The following SGCB variants were observed in gnomAD, a reference collection of about 807,000 sequenced individuals.
The protein encoded by SGCB is sarcoglycan beta, also known as beta-sarcoglycan.
A neutral mutation model predicts 27.3 loss-of-function variants in SGCB; 25 were observed. The ratio of observed to expected loss-of-function variants is 0.92; its 90% CI spans 0.67 to 1.28. The LOEUF is 1.28. Among genes scored for constraint, SGCB ranks in the 50% most tolerant of loss-of-function variants. The pLI, the probability that SGCB is intolerant of heterozygous loss-of-function variation, is 0.00. For missense variants in SGCB, 436 were observed against 402.1 expected (o/e 1.08, Z -0.72); for synonymous variants, 147 against 133.5 (o/e 1.10, Z -0.70).
At chr4:52,027,882 T>C (rs1737141868) in intron 5 of SGCB, 86 bp downstream of exon 5, 1 of 1,249,588 alleles carries the variant, frequency 8.0e-7, no homozygotes, top group Non-Finnish European at 1.2e-6. Flanking sequence ...AATTATATCA[T>C]TTTCAATAAT....
rs554360881 is a variant in SGCB at position 52,026,347 on chromosome 4, C to T, written c.753+1621G>A. ...GATCTGGGTTCACTGCAATCTCTGC[C>T]TCCTGGTTTCAAGCGATTCTCCTGC... is the stretch of plus-strand genomic sequence containing the variant. On this transcript the variant is annotated intron_variant, in intron 5 of 5. Transcript: ENST00000381431. 3.4e-5 allele frequency among the ~76,000 whole-genome samples: 5 copies of T among 147,800 alleles called. No individual in the cohort carries two copies. In the East Asian group the frequency reaches 8.0e-4, roughly 24 times the overall value.
At position 52,024,030 on chromosome 4, in the gene SGCB, A is replaced by G. The variant is rs751101913; in HGVS notation, c.884T>C (p.Leu295Pro). Residue 295 changes from leucine (L) to proline (P), a missense_variant, in exon 6 of 6, where the codon CTC becomes CCC. Leu to Pro is a moderately conservative substitution (Grantham distance 98). Coordinates refer to ENST00000381431, the MANE Select transcript of SGCB (RefSeq NM_000232.5). ...YKLCMCADGT[L>P]FKVQVTSQNM... ...CTGGCTGGTTACTTGCACCTTGAAGAGCGTCCCATCAGCACACATGCAGAG... is the reference window on the plus strand; with the variant it reads ...CTGGCTGGTTACTTGCACCTTGAAGGGCGTCCCATCAGCACACATGCAGAG... 6.2e-7 allele frequency: 1 copy of G among 1,614,184 alleles called. No individual in the cohort carries two copies. The highest frequency in any genetic ancestry group is 8.5e-7 in the Non-Finnish European group (1 of 1,180,022).
Position 52,023,362 on chromosome 4 carries a change from T to C in SGCB, c.*595A>G, listed in dbSNP as rs1269011030. 2.6e-5 allele frequency: 4 copies of C among 152,982 alleles called. No individual in the cohort carries two copies. Among genetic ancestry groups the C allele is most frequent in the Non-Finnish European group, 2.9e-5 (2 of 68,504 alleles). 9.5% of individuals were successfully genotyped at this position (152,982 alleles called of 1,614,324 possible). ...TTTCCACCACATTGTGAACAATTGA[T>C]AGTTATCATTATTTCAAATAAACAT... On this transcript the variant is annotated 3_prime_UTR_variant, in exon 6 of 6. Transcript: ENST00000381431.
intron 1 of SGCB, among the ~76,000 whole-genome samples, chr4:52,034,810 A>G (rs1242221346): frequency 6.6e-6 from 1 of 152,186 alleles, no homozygotes; most frequent in Non-Finnish European, 1.5e-5. Flanking sequence ...TATTTTTGAA[A>G]TAACACTGAG....
chr4:52,027,369 C>A (rs774054621), intron 5 of SGCB, among the ~76,000 whole-genome samples: 3 of 151,510 alleles, frequency 2.0e-5, no homozygotes, highest in African/African-American at 7.3e-5. Flanking sequence ...TCAACAGCCA[C>A]GATAAAGACA....
At position 52,023,273 on chromosome 4, in the gene SGCB, G is replaced by A. The variant is rs1737003728; in HGVS notation, c.*684C>T. 1 of 152,456 alleles carries A rather than the reference G, an allele frequency of 6.6e-6. No individual in the cohort carries two copies. Among genetic ancestry groups the A allele is most frequent in the African/African-American group, 2.4e-5 (1 of 41,454 alleles). The allele number at this position is 152,456 out of a possible 1,614,324, so 9.4% of individuals were successfully genotyped here. On this transcript the variant is annotated 3_prime_UTR_variant, in exon 6 of 6. Transcript: ENST00000381431. ...TGCCTAGGACAATGCCTAGGATGTAGAAGATGCTCAATAAAGATAGTTATC... is the reference window on the plus strand; with the variant it reads ...TGCCTAGGACAATGCCTAGGATGTAAAAGATGCTCAATAAAGATAGTTATC...
chr4:52,025,513 A>C (rs1293706303), intron 5 of SGCB, among the ~76,000 whole-genome samples: 2 of 152,228 alleles, frequency 1.3e-5, no homozygotes, highest in Admixed American at 1.3e-4. Context: ...AGTGTGGAAG[A>C]AGCACGGAGG....
At chr4:52,031,388 ATC>A (rs1408753877) in intron 2 of SGCB, among the ~76,000 whole-genome samples, 8 of 133,174 alleles carry the variant, frequency 6.0e-5, no homozygotes, top group East Asian at 2.2e-4. Context: ...CCACCCATTC[ATC>A]TCTGTGTGTG....
At chr4:52,034,060 G>A (rs980196637) in intron 1 of SGCB, among the ~76,000 whole-genome samples, 10 of 151,784 alleles carry the variant, frequency 6.6e-5, no homozygotes, top group East Asian at 1.9e-4. Context: ...GGCCAGGCGC[G>A]GTGGCTCAGG....
Position 52,022,242 on chromosome 4 carries a change from C to T in SGCB, c.*1715G>A, listed in dbSNP as rs1407953028. The T allele has an allele frequency of 6.6e-6, 1 of 152,186 alleles. No homozygotes were observed. The highest frequency in any genetic ancestry group is 2.4e-5 in the African/African-American group (1 of 41,446). 9.4% of individuals were successfully genotyped at this position (152,186 alleles called of 1,614,324 possible). A position where few individuals can be genotyped will look rare whatever the true frequency, so the allele number is the denominator to read the frequency against. The stretch of plus-strand genomic sequence containing the variant: ...ATCCAATTTCAGTATAAATTAATGA[C>T]TTCATAATCTCTAAGGTATTTGATT... On this transcript the variant is annotated 3_prime_UTR_variant, in exon 6 of 6. Coordinates refer to ENST00000381431, the MANE Select transcript of SGCB (RefSeq NM_000232.5).
chr4:52,037,136 A>G (rs1737412427), intron 1 of SGCB, among the ~76,000 whole-genome samples: 1 of 152,204 alleles, frequency 6.6e-6, no homozygotes, highest in Non-Finnish European at 1.5e-5. Flanking sequence ...CCAAGGCACA[A>G]TTTAAATACC....
chr4:52,024,060 T>C lies in SGCB; in HGVS notation c.854A>G (p.Tyr285Cys), dbSNP rs780573613. The change falls in exon 6 of 6, where the codon TAC becomes TGC. Residue 285 changes from tyrosine (Y) to cysteine (C), a missense_variant. Physicochemically the swap from Tyr to Cys is radical, Grantham distance 194. Coordinates refer to ENST00000381431, the MANE Select transcript of SGCB (RefSeq NM_000232.5). The part of the protein sequence containing the change: ...DQLGSGDWVR[Y>C]KLCMCADGTL... ...CCCATCAGCACACATGCAGAGCTTG[T>C]AGCGTACCCAGTCACCACTACCCAA... 1.2e-6 allele frequency: 2 copies of C among 1,614,056 alleles called. No homozygotes were observed. Among genetic ancestry groups the C allele is most frequent in the South Asian group, 2.2e-5 (2 of 91,078 alleles).
At chr4:52,025,648 G>T (rs1737070213) in intron 5 of SGCB, among the ~76,000 whole-genome samples, 1 of 152,224 alleles carries the variant, frequency 6.6e-6, no homozygotes, top group African/African-American at 2.4e-5. Context: ...TCTGAATACA[G>T]AAATGACTTG....
chr4:52,033,740 T>A, intron 1 of SGCB, 100 bp from the exon 2 acceptor site: 2 of 869,216 alleles, frequency 2.3e-6, no homozygotes, highest in South Asian at 2.7e-5. Context: ...CTGAATTGGT[T>A]ACTGACACAT....
chr4:52,024,796 C>G (rs951638809), intron 5 of SGCB, among the ~76,000 whole-genome samples: 2 of 142,848 alleles, frequency 1.4e-5, no homozygotes, highest in African/African-American at 5.3e-5. Flanking sequence ...CCGCTGCACT[C>G]CAGCCTGGGT....
Position 52,029,658 on chromosome 4 carries a change from C to G in SGCB, c.429+20G>C, listed in dbSNP as rs1437767510. 1.9e-6 allele frequency: 3 copies of G among 1,568,540 alleles called. No homozygotes were observed. Among genetic ancestry groups the G allele is most frequent in the South Asian group, 1.1e-5 (1 of 90,158 alleles). Reference sequence around the variant, plus strand: ...GCCCCTCTCCTGTTTGCATTTCTTTCAGTTAATGTGGCAACTTACAGGCTG... The same window carrying G: ...GCCCCTCTCCTGTTTGCATTTCTTTGAGTTAATGTGGCAACTTACAGGCTG... On this transcript the variant is annotated intron_variant, in intron 3 of 5. Coordinates refer to ENST00000381431, the MANE Select transcript of SGCB (RefSeq NM_000232.5).
At chr4:52,025,439 T>C (rs189426311) in intron 5 of SGCB, among the ~76,000 whole-genome samples, 3 of 152,082 alleles carry the variant, frequency 2.0e-5, no homozygotes, top group South Asian at 2.1e-4. Flanking sequence ...AAAGCAGAGG[T>C]AACAGTGTCT....
Position 52,033,584 on chromosome 4 carries a change from C to T in SGCB, c.90G>A (p.Arg30=), listed in dbSNP as rs11541942. The change falls in exon 2 of 6, where the codon AGG becomes AGA. Residue 30 remains arginine (R), a synonymous_variant. Transcript: ENST00000381431. The stretch of plus-strand genomic sequence containing the variant: ...TACTGTTGTGCTCTTTATTGACACT[C>T]CTTCTCTCAACAGCCTTCTCACGCA... The part of the protein sequence containing the change: ...KSMREKAVER[R]SVNKEHNSNF... 2 of 1,613,940 alleles carry T rather than the reference C, an allele frequency of 1.2e-6. No homozygotes were observed. Among genetic ancestry groups the T allele is most frequent in the East Asian group, 2.2e-5 (1 of 44,860 alleles).
chr4:52,030,832 G>T (rs1387422979), intron 2 of SGCB, among the ~76,000 whole-genome samples: 1 of 152,168 alleles, frequency 6.6e-6, no homozygotes, highest in African/African-American at 2.4e-5. Context: ...TCTAAGCAAT[G>T]TATGAGAAGT....
Sources: gnomAD v4.1 joint callset for allele counts (sites outside exome capture counted in the v4.1 genomes callset) on GRCh38, gnomAD v4.1.1 for gene constraint, MANE v1.5 for transcripts, NCBI Gene and HGNC (gene_info 2026-07-23, HGNC 2026-07-21) for gene names.